NLGN1: variants seen among roughly 807,000 people sequenced by gnomAD.
NLGN1 encodes neuroligin 1.
Under a neutral mutation model 65.5 loss-of-function variants are expected in NLGN1, and 12 were observed. The ratio of observed to expected loss-of-function variants is 0.18; its 90% CI spans 0.12 to 0.30. The LOEUF (loss-of-function observed/expected upper bound fraction) is 0.30. Ranked by LOEUF, NLGN1 falls within the 10% of genes least tolerant of loss-of-function variation. The pLI is 1.00. For synonymous variants in NLGN1, 350 were observed against 359.5 expected (o/e 0.97, Z 0.30); for missense variants, 750 against 1,007.1 (o/e 0.74, Z 3.46).
intron 2 of NLGN1, among the ~76,000 whole-genome samples, chr3:173,454,518 A>G (rs553797046): frequency 1.3e-5 from 2 of 152,334 alleles, no homozygotes; most frequent in East Asian, 1.9e-4. Context: ...GATCTTCTGG[A>G]TAAGTTGGTG....
intron 3 of NLGN1, among the ~76,000 whole-genome samples, chr3:173,740,073 A>G (rs1181145414): frequency 6.6e-6 from 1 of 152,144 alleles, no homozygotes; most frequent in Non-Finnish European, 1.5e-5. Flanking sequence ...CCTTAGTTTA[A>G]ATTTTGGTTG....
At chr3:173,743,694 C>G (rs1774972316) in intron 3 of NLGN1, among the ~76,000 whole-genome samples, 2 of 152,230 alleles carry the variant, frequency 1.3e-5, no homozygotes, top group East Asian at 3.9e-4. Flanking sequence ...ACAGTAGCAG[C>G]AAGCTACTGG....
At chr3:174,061,065 T>C (rs1483425154) in intron 4 of NLGN1, among the ~76,000 whole-genome samples, 1 of 152,108 alleles carries the variant, frequency 6.6e-6, no homozygotes, top group Non-Finnish European at 1.5e-5. Flanking sequence ...GGTCTCAATA[T>C]CTATTCTGGT....
chr3:174,100,359 A>C (rs1712139243), intron 4 of NLGN1, among the ~76,000 whole-genome samples: 1 of 152,130 alleles, frequency 6.6e-6, no homozygotes, highest in Non-Finnish European at 1.5e-5. Context: ...ATTTTTATCA[A>C]TTTAATTAAA....
intron 4 of NLGN1, among the ~76,000 whole-genome samples, chr3:174,062,032 T>C (rs1737524287): frequency 6.6e-6 from 1 of 152,106 alleles, no homozygotes; most frequent in Non-Finnish European, 1.5e-5. Context: ...TTTTCTAAAT[T>C]CATACATGTG....
intron 4 of NLGN1, among the ~76,000 whole-genome samples, chr3:174,091,093 G>A (rs1744426129): frequency 6.6e-6 from 1 of 152,078 alleles, no homozygotes; most frequent in African/African-American, 2.4e-5. Context: ...ACCTTCCCAG[G>A]GCAGTGATTG....
chr3:173,558,477 A>G (rs1053010796), intron 2 of NLGN1, among the ~76,000 whole-genome samples: 1 of 152,118 alleles, frequency 6.6e-6, no homozygotes, highest in African/African-American at 2.4e-5. Flanking sequence ...ATATCATGTC[A>G]CAGGCACTAA....
chr3:173,633,788 C>G (rs1243059531), intron 3 of NLGN1, among the ~76,000 whole-genome samples: 1 of 152,110 alleles, frequency 6.6e-6, no homozygotes, highest in East Asian at 1.9e-4. Context: ...CCCGATTCTC[C>G]TTATCTTCTA....
chr3:173,749,205 C>T (rs1241049918), intron 3 of NLGN1, among the ~76,000 whole-genome samples: 1 of 151,918 alleles, frequency 6.6e-6, no homozygotes, highest in Non-Finnish European at 1.5e-5. Flanking sequence ...TTTGCTATAA[C>T]TTAGAAAGGA....
At chr3:173,438,559 A>T (rs1258807312) in intron 2 of NLGN1, among the ~76,000 whole-genome samples, 1 of 152,152 alleles carries the variant, frequency 6.6e-6, no homozygotes, top group Non-Finnish European at 1.5e-5. Context: ...TGATTCTAAT[A>T]TTGATACCTG....
chr3:173,802,071 C>T (rs950977879), intron 3 of NLGN1, among the ~76,000 whole-genome samples: 1 of 152,052 alleles, frequency 6.6e-6, no homozygotes. Flanking sequence ...GCCAAATTTT[C>T]CCCATTTAGG....
intron 4 of NLGN1, among the ~76,000 whole-genome samples, chr3:173,880,675 A>G (rs994945361): frequency 6.6e-5 from 10 of 152,258 alleles, no homozygotes; most frequent in Non-Finnish European, 1.3e-4. Context: ...TGCCTAAACT[A>G]AGGCTCTTGC....
At chr3:173,575,498 C>G (rs1745371411) in intron 2 of NLGN1, among the ~76,000 whole-genome samples, 1 of 152,078 alleles carries the variant, frequency 6.6e-6, no homozygotes, top group Admixed American at 6.5e-5. Context: ...ATTTCTTCAC[C>G]ATCATATTCT....
chr3:173,737,653 G>C (rs2150090494), intron 3 of NLGN1, among the ~76,000 whole-genome samples: 1 of 152,112 alleles, frequency 6.6e-6, no homozygotes, highest in Non-Finnish European at 1.5e-5. Flanking sequence ...ATTTATCAGT[G>C]TCAGCTGATG....
chr3:174,207,479 AAT>A (rs1437173859), intron 4 of NLGN1, among the ~76,000 whole-genome samples: 4 of 152,232 alleles, frequency 2.6e-5, no homozygotes, highest in African/African-American at 9.6e-5. Flanking sequence ...AAATAAAATG[AAT>A]ATGTTTTTCA....
intron 2 of NLGN1, among the ~76,000 whole-genome samples, chr3:173,436,846 C>T (rs1411861660): frequency 6.6e-6 from 1 of 152,148 alleles, no homozygotes; most frequent in Non-Finnish European, 1.5e-5. Flanking sequence ...TCACTATGAC[C>T]CAGGTTGGGT....
chr3:173,429,960 G>A (rs557258844), intron 1 of NLGN1, among the ~76,000 whole-genome samples: 1 of 152,258 alleles, frequency 6.6e-6, no homozygotes, highest in Admixed American at 6.5e-5. Flanking sequence ...GCCCTGGCTG[G>A]TACTAGCCAC....
chr3:174,007,130 G>C (rs115280455), intron 4 of NLGN1, among the ~76,000 whole-genome samples: 1 of 152,050 alleles, frequency 6.6e-6, no homozygotes, highest in Non-Finnish European at 1.5e-5. Context: ...ATGCATGCAC[G>C]CAGAGGAAAG....
chr3:174,246,205 A>G (rs1743757451), intron 4 of NLGN1, among the ~76,000 whole-genome samples: 1 of 152,210 alleles, frequency 6.6e-6, no homozygotes, highest in Non-Finnish European at 1.5e-5. Context: ...AGAAATGGCA[A>G]GATTCCCACT....
Sources: allele counts gnomAD v4.1 joint callset (sites outside exome capture counted in the v4.1 genomes callset), GRCh38; gene constraint gnomAD v4.1.1; transcripts MANE v1.5; gene names NCBI Gene and HGNC (gene_info 2026-07-23, HGNC 2026-07-21).